MEP1A: variants seen among roughly 807,000 people sequenced by gnomAD.
MEP1A encodes meprin A subunit alpha, also known as N-benzoyl-L-tyrosyl-P-amino-benzoic acid hydrolase subunit alpha.
A neutral mutation model predicts 84.5 loss-of-function variants in MEP1A; 68 were observed. The ratio of observed to expected loss-of-function variants is 0.80; its 90% confidence interval spans 0.66 to 0.98. The LOEUF (loss-of-function observed/expected upper bound fraction) is 0.98, where lower values mean the gene tolerates loss of function less well. Ranked by LOEUF, MEP1A falls within the 50% of genes least tolerant of loss-of-function variation. MEP1A has a pLI of 0.00. For synonymous variants in MEP1A, 337 were observed against 336.8 expected, an observed-to-expected ratio of 1.00 and a Z score of -0.01; for missense variants, 887 against 919.9, an observed-to-expected ratio of 0.96 and a Z score of 0.46.
intron 2 of MEP1A, 23 bp downstream of exon 2, chr6:46,793,599 A>G (rs1271517808): frequency 1.9e-6 from 3 of 1,561,874 alleles, no homozygotes; most frequent in Non-Finnish European, 2.6e-6. Context: ...TCAAATGCAC[A>G]GAGAGTGTTT....
chr6:46,805,821 C>A (rs1767299721), intron 5 of MEP1A, among the ~76,000 whole-genome samples: 1 of 151,918 alleles, frequency 6.6e-6, no homozygotes, highest in South Asian at 2.1e-4. Flanking sequence ...ATAACCAAAT[C>A]TGAAAAACGT....
intron 9 of MEP1A, 85 bp from the exon 10 acceptor site, chr6:46,829,271 G>T: frequency 9.4e-7 from 1 of 1,068,924 alleles, no homozygotes. Context: ...CAATGGCTGT[G>T]GTTCACTATT....
In MEP1A at chr6:46,835,343, C is replaced by A. The variant is rs373762388; in HGVS notation, c.1878C>A (p.Ser626=). 3.4e-5 allele frequency: 54 copies of A among 1,610,060 alleles called. No homozygotes were observed. Among genetic ancestry groups the A allele is most frequent in the Non-Finnish European group, 4.5e-5 (53 of 1,178,316 alleles). ...TCCAAGGCCAGGAGCAGCAGGTCTC[C>A]GAAGAAGGTTCGGGAAAGGCCATGT... ...LILQGQEQQV[S]EEGSGKAMLE... is the part of the protein sequence containing the mutation. The change falls in exon 13 of 14, where the codon TCC becomes TCA. Residue 626 remains serine, a synonymous_variant. Transcript: ENST00000230588.
At position 46,839,264 on chromosome 6, in the gene MEP1A, C is replaced by T. The variant is rs191996101; in HGVS notation, c.*128C>T. 41 of 647,240 alleles carry T rather than the reference C, an allele frequency of 6.3e-5. No homozygotes were observed. The East Asian group carries it at 1.0e-3, about 17-fold the overall frequency. The allele number at this position is 647,240 out of a possible 1,614,324, so 40.1% of individuals were successfully genotyped here. A position where few individuals can be genotyped will look rare whatever the true frequency, so the allele number is the denominator to read the frequency against. On this transcript the variant is annotated 3_prime_UTR_variant, in exon 14 of 14. Transcript: ENST00000230588. ...CCTCCAAGGACTAAGGCCTCCAGCCCCATGTGTGACCCTTGTCATCTCTCT... is the reference window on the plus strand; with the variant it reads ...CCTCCAAGGACTAAGGCCTCCAGCCTCATGTGTGACCCTTGTCATCTCTCT...
chr6:46,827,965 C>A (rs1581685136), intron 9 of MEP1A, among the ~76,000 whole-genome samples: 1 of 152,194 alleles, frequency 6.6e-6, no homozygotes, highest in Non-Finnish European at 1.5e-5. Flanking sequence ...GCTTCTTTCA[C>A]AAGAGGTATT....
At chr6:46,797,792 CTCTTTCTTTCTTTCTTTCTT>C (rs552272095) in intron 3 of MEP1A, among the ~76,000 whole-genome samples, 36,142 of 136,432 alleles carry the variant, frequency 0.26, 5,108 homozygotes, top group African/African-American at 0.32. Context: ...TTCTTTCTTT[CTCTTTCTTTCTTTCTTTCTT>C]TCTTTCTTTC....
chr6:46,833,426 G>A lies in MEP1A; in HGVS notation c.1497G>A (p.Trp499Ter). The change falls in exon 11 of 14, where the codon TGG becomes TGA. Residue 499 changes from tryptophan to a stop codon, truncating the protein, a stop_gained. Transcript: ENST00000230588. LOFTEE classifies it high-confidence loss of function. ...CSGENDAILEWPVENRQVIIT... is the reference protein window; with the variant it reads ...CSGENDAILE ...GGGAGAACGATGCTATCCTGGAGTG[G>A]CCGGTAGAAAACAGACAGGTGATAA... is the stretch of plus-strand genomic sequence containing the variant. 1 of 1,614,152 alleles carries A rather than the reference G, an allele frequency of 6.2e-7. No homozygotes were observed. The highest frequency in any genetic ancestry group is 8.5e-7 in the Non-Finnish European group (1 of 1,180,020).
intron 3 of MEP1A, among the ~76,000 whole-genome samples, chr6:46,798,182 G>T (rs1767109197): frequency 6.6e-6 from 1 of 152,074 alleles, no homozygotes; most frequent in Non-Finnish European, 1.5e-5. Context: ...TGGCCAGGCT[G>T]GTCTTGAACT....
rs149963057 is a variant in MEP1A, at chr6:46,798,000, C to T, written c.146-606C>T. 2.4e-3 allele frequency among the ~76,000 whole-genome samples: 361 copies of T among 150,132 alleles called. 1 individual carries two copies. The highest frequency in any genetic ancestry group is 8.3e-3 in the African/African-American group (336 of 40,706). ...TCTTTTTTTGTGAGACAGAGTCTGG[C>T]TCTGTCACCCAGGCTGGAGTGCAGT... On this transcript the variant is annotated intron_variant, in intron 3 of 13. Coordinates refer to ENST00000230588, the MANE Select transcript of MEP1A (RefSeq NM_005588.3).
At chr6:46,818,998 G>A (rs1035142889) in intron 6 of MEP1A, among the ~76,000 whole-genome samples, 2 of 108,690 alleles carry the variant, frequency 1.8e-5, no homozygotes, top group African/African-American at 3.7e-5. Context: ...GTGGTTCCAA[G>A]TCCCAGCCTC....
chr6:46,805,620 A>G lies in MEP1A; in HGVS notation c.263-3800A>G, dbSNP rs529547183. Reference sequence around the variant, plus strand: ...TCTTGTCTCCAGTGTCTGATAATAAATCATCCATCTTTCAAACTTTCATAT... The same window carrying G: ...TCTTGTCTCCAGTGTCTGATAATAAGTCATCCATCTTTCAAACTTTCATAT... On this transcript the variant is annotated intron_variant, in intron 5 of 13. Transcript: ENST00000230588. Among the ~76,000 whole-genome samples the G allele has an allele frequency of 2.6e-5, 4 of 152,096 alleles. No individual in the cohort carries two copies. In the East Asian group the frequency reaches 5.8e-4, roughly 22 times the overall value.
chr6:46,829,393 G>T lies in MEP1A; in HGVS notation c.966G>T (p.Gly322=). 1 of 1,613,962 alleles carries T rather than the reference G, an allele frequency of 6.2e-7. No homozygotes were observed. The highest frequency in any genetic ancestry group is 8.5e-7 in the Non-Finnish European group (1 of 1,180,036). ...GYFMQFSTSS[G]SAEEAALLES... ...TCATGCAGTTCAGCACCAGCTCGGG[G>T]TCCGCGGAAGAGGCAGCCCTACTGG... is the stretch of plus-strand genomic sequence containing the variant. Residue 322 remains glycine (G), a synonymous_variant, in exon 10 of 14, where the codon GGG becomes GGT. Coordinates refer to ENST00000230588, the MANE Select transcript of MEP1A (RefSeq NM_005588.3).
At chr6:46,840,392 A>G (rs535198537), downstream of MEP1A, among the ~76,000 whole-genome samples, 1 of 152,310 alleles carries the variant, frequency 6.6e-6, no homozygotes, top group South Asian at 2.1e-4. Context: ...GGTGGGATCT[A>G]AGAATGTGCA....
intron 7 of MEP1A, among the ~76,000 whole-genome samples, chr6:46,824,283 C>T (rs1442440161): frequency 2.0e-5 from 3 of 151,774 alleles, no homozygotes; most frequent in Non-Finnish European, 4.4e-5. Flanking sequence ...CCCAGATACA[C>T]ACGTATTTAT....
Position 46,807,047 on chromosome 6 carries a change from C to T in MEP1A, c.263-2373C>T, listed in dbSNP as rs545965668. Among the ~76,000 whole-genome samples the T allele has an allele frequency of 4.0e-5, 6 of 151,876 alleles. No individual in the cohort carries two copies. The South Asian group carries it at 1.2e-3, about 32-fold the overall frequency. ...TGGGAGGATTAATTAGATTCAAGCT[C>T]CTTGACAATTTTGAGCACCAGAAAT... On this transcript the variant is annotated intron_variant, in intron 5 of 13. Transcript: ENST00000230588.
intron 5 of MEP1A, among the ~76,000 whole-genome samples, chr6:46,808,102 A>T (rs1168281063): frequency 6.6e-6 from 1 of 152,078 alleles, no homozygotes; most frequent in Non-Finnish European, 1.5e-5. Flanking sequence ...GAATAACAAA[A>T]GCGAAATAGC....
rs1210714370 is a variant in MEP1A at position 46,833,419 on chromosome 6, T to C, written c.1490T>C (p.Leu497Pro). ...TGCAGTGGGGAGAACGATGCTATCCTGGAGTGGCCGGTAGAAAACAGACAG... is the reference window on the plus strand; with the variant it reads ...TGCAGTGGGGAGAACGATGCTATCCCGGAGTGGCCGGTAGAAAACAGACAG... ...HVCSGENDAI[L>P]EWPVENRQVI... The change falls in exon 11 of 14, where the codon CTG becomes CCG. Residue 497 changes from leucine (L) to proline (P), a missense_variant. By Grantham distance (98) the Leu-to-Pro change is moderately conservative. Coordinates refer to ENST00000230588, the MANE Select transcript of MEP1A (RefSeq NM_005588.3). The C allele has an allele frequency of 6.2e-7, 1 of 1,614,058 alleles. No individual in the cohort carries two copies. The highest frequency in any genetic ancestry group is 1.3e-5 in the African/African-American group (1 of 74,930).
At chr6:46,841,284 A>C (rs1169223082), downstream of MEP1A, among the ~76,000 whole-genome samples, 1 of 152,058 alleles carries the variant, frequency 6.6e-6, no homozygotes, top group African/African-American at 2.4e-5. Flanking sequence ...CCTACTATCT[A>C]TGTTTATCAC....
At chr6:46,845,497 C>G in the MEP1A span, among the ~76,000 whole-genome samples, 1 of 152,222 alleles carries the variant, frequency 6.6e-6, no homozygotes, top group African/African-American at 2.4e-5. Flanking sequence ...ACGTCTGGTA[C>G]TCACAGAAAA....
Sources: allele counts gnomAD v4.1 joint callset (sites outside exome capture counted in the v4.1 genomes callset), GRCh38; gene constraint gnomAD v4.1.1; transcripts MANE v1.5; gene names NCBI Gene and HGNC (gene_info 2026-07-23, HGNC 2026-07-21).